BTBD10: variants seen among roughly 807,000 people sequenced by gnomAD.
BTBD10 encodes BTB/POZ domain-containing protein 10.
Under a neutral mutation model 53.2 loss-of-function variants are expected in BTBD10, and 21 were observed. The ratio of observed to expected loss-of-function variants is 0.39; its 90% CI spans 0.28 to 0.57. The LOEUF (loss-of-function observed/expected upper bound fraction) is 0.57, where lower values mean the gene tolerates loss of function less well. Among genes scored for constraint, BTBD10 ranks in the 20% least tolerant of loss-of-function variants. The pLI, the probability that BTBD10 is intolerant of heterozygous loss-of-function variation, is 0.53. For synonymous variants in BTBD10, 149 were observed against 192.7 expected (o/e 0.77, Z 1.88); for missense variants, 360 against 594.7 (o/e 0.61, Z 4.10).
Position 13,388,805 on chromosome 11 carries a change from T to C in BTBD10, c.*26A>G, listed in dbSNP as rs761239594. The C allele has an allele frequency of 6.3e-6, 10 of 1,592,664 alleles. No homozygotes were observed. Among genetic ancestry groups the C allele is most frequent in the South Asian group, 1.1e-5 (1 of 87,634 alleles). ...TACAACGTCACTGTGAAGAGTAGCA[T>C]GCTATGGTTTCAAGGAAGATCAGCA... is the stretch of plus-strand genomic sequence containing the variant. On this transcript the variant is annotated 3_prime_UTR_variant, in exon 9 of 9. Coordinates refer to ENST00000278174, the MANE Select transcript of BTBD10 (RefSeq NM_032320.7).
intron 8 of BTBD10, among the ~76,000 whole-genome samples, chr11:13,390,342 G>GT (rs1949373351): frequency 2.0e-5 from 3 of 151,698 alleles, no homozygotes; most frequent in Non-Finnish European, 2.9e-5. Flanking sequence ...ATGAGCACGT[G>GT]TATGTTTTTC....
At chr11:13,392,664 G>C (rs909420599) in intron 8 of BTBD10, among the ~76,000 whole-genome samples, 5 of 152,054 alleles carry the variant, frequency 3.3e-5, no homozygotes, top group African/African-American at 1.2e-4. Context: ...GTATATAGGT[G>C]AACTTTCAGT....
At chr11:13,455,549 C>A (rs914936692) in intron 1 of BTBD10, among the ~76,000 whole-genome samples, 1 of 152,124 alleles carries the variant, frequency 6.6e-6, no homozygotes, top group Non-Finnish European at 1.5e-5. Context: ...TTATAGGCTA[C>A]CTTCTTAAAA....
intron 8 of BTBD10, among the ~76,000 whole-genome samples, chr11:13,389,481 T>C (rs1053180537): frequency 6.6e-6 from 1 of 151,062 alleles, no homozygotes; most frequent in African/African-American, 2.4e-5. Context: ...CAGGCTGGAG[T>C]GCCATGTGTG....
chr11:13,419,278 C>G (rs1193900025), intron 4 of BTBD10, among the ~76,000 whole-genome samples, 182 bp downstream of exon 4: 1 of 152,162 alleles, frequency 6.6e-6, no homozygotes, highest in East Asian at 1.9e-4. Context: ...AGCTCTTACT[C>G]TATCACTTTC....
intron 1 of BTBD10, among the ~76,000 whole-genome samples, chr11:13,446,224 T>C (rs1408550271): frequency 2.0e-5 from 3 of 152,120 alleles, no homozygotes; most frequent in African/African-American, 4.8e-5. Context: ...ATACCTTCTA[T>C]ATACTTTTCC....
intron 2 of BTBD10, among the ~76,000 whole-genome samples, chr11:13,425,373 A>G (rs1266184988): frequency 6.6e-6 from 1 of 152,226 alleles, no homozygotes; most frequent in Non-Finnish European, 1.5e-5. Context: ...AATATTTATA[A>G]GAAATATCAA....
At chr11:13,411,654 A>G (rs1358025133) in intron 6 of BTBD10, among the ~76,000 whole-genome samples, 1 of 152,182 alleles carries the variant, frequency 6.6e-6, no homozygotes, top group Admixed American at 6.5e-5. Flanking sequence ...TAAACTACGC[A>G]CAACAAAAGA....
At chr11:13,426,765 A>G (rs1049105459) in intron 2 of BTBD10, among the ~76,000 whole-genome samples, 1 of 152,220 alleles carries the variant, frequency 6.6e-6, no homozygotes, top group Non-Finnish European at 1.5e-5. Flanking sequence ...ATCATAAAAA[A>G]GGATTTGGCT....
chr11:13,399,619 C>T (rs937184103), intron 8 of BTBD10, among the ~76,000 whole-genome samples: 13 of 152,140 alleles, frequency 8.5e-5, no homozygotes, highest in African/African-American at 2.4e-4. Flanking sequence ...GGAGGAGAGG[C>T]GCTCTGATTT....
intron 6 of BTBD10, among the ~76,000 whole-genome samples, chr11:13,407,252 G>C (rs1949851406): frequency 6.6e-6 from 1 of 152,190 alleles, no homozygotes; most frequent in Non-Finnish European, 1.5e-5. Context: ...ACAATTTTAA[G>C]TTCTTTTCTT....
At chr11:13,439,929 A>C in intron 2 of BTBD10, 1 of 1,534,674 alleles carries the variant, frequency 6.5e-7, no homozygotes, top group Non-Finnish European at 8.7e-7. Context: ...ACAAGAAAAA[A>C]ATTTTGAAAT....
At chr11:13,407,091 C>T (rs1041645724) in intron 6 of BTBD10, among the ~76,000 whole-genome samples, 1 of 152,058 alleles carries the variant, frequency 6.6e-6, no homozygotes, top group Non-Finnish European at 1.5e-5. Flanking sequence ...TAATCTCCTA[C>T]AATGGAACAC....
chr11:13,421,988 C>T (rs1384688365), intron 2 of BTBD10, 150 bp from the exon 3 acceptor site: 1 of 629,224 alleles, frequency 1.6e-6, no homozygotes. Flanking sequence ...TTACCTCAAA[C>T]TTGTAGGCTT....
At chr11:13,436,013 A>G (rs1950537947) in intron 2 of BTBD10, among the ~76,000 whole-genome samples, 1 of 152,348 alleles carries the variant, frequency 6.6e-6, no homozygotes, top group East Asian at 1.9e-4. Context: ...CAGTATGTCT[A>G]ACTATCCTAA....
chr11:13,421,908 C>A, intron 2 of BTBD10, 70 bp from the exon 3 acceptor site: 6 of 1,279,850 alleles, frequency 4.7e-6, no homozygotes, highest in Admixed American at 2.7e-5. Flanking sequence ...AAAAGAAACA[C>A]CCAAGTAACA....
chr11:13,445,318 C>G (rs1464061948), intron 1 of BTBD10, 137 bp from the exon 2 acceptor site: 5 of 402,906 alleles, frequency 1.2e-5, no homozygotes, highest in Admixed American at 4.1e-5. Flanking sequence ...CATACAAATG[C>G]CACAAATCAA....
At chr11:13,390,055 T>G (rs1004740089) in intron 8 of BTBD10, among the ~76,000 whole-genome samples, 2 of 152,198 alleles carry the variant, frequency 1.3e-5, no homozygotes, top group Non-Finnish European at 2.9e-5. Flanking sequence ...TTTTGGAACA[T>G]AGTCACTTAA....
intron 6 of BTBD10, among the ~76,000 whole-genome samples, chr11:13,408,077 A>G (rs1949867333): frequency 6.6e-6 from 1 of 152,206 alleles, no homozygotes; most frequent in South Asian, 2.1e-4. Context: ...TGATACAGCC[A>G]TAAGCCACCT....
Sources: gnomAD v4.1 joint callset for allele counts (sites outside exome capture counted in the v4.1 genomes callset) on GRCh38, gnomAD v4.1.1 for gene constraint, MANE v1.5 for transcripts, NCBI Gene and HGNC (gene_info 2026-07-23, HGNC 2026-07-21) for gene names.